The following CELF4 variants were observed in gnomAD, a reference collection of about 807,000 sequenced individuals.
CELF4 encodes the protein CUGBP Elav-like family member 4.
Under a neutral mutation model 59.9 loss-of-function variants are expected in CELF4, and 18 were observed. That is an observed-to-expected ratio of 0.30 (90% CI 0.21 to 0.45). The LOEUF (loss-of-function observed/expected upper bound fraction) is 0.45, where lower values mean the gene tolerates loss of function less well. Among genes scored for constraint, CELF4 ranks in the 20% least tolerant of loss-of-function variants. The pLI, the probability that CELF4 is intolerant of heterozygous loss-of-function variation, is 1.00. For missense variants in CELF4, 456 were observed against 689.0 expected, an observed-to-expected ratio of 0.66 and a Z score of 3.79; for synonymous variants, 261 against 267.1, an observed-to-expected ratio of 0.98 and a Z score of 0.22.
chr18:37,520,415 C>A (rs372298649), intron 1 of CELF4, among the ~76,000 whole-genome samples: 1 of 152,200 alleles, frequency 6.6e-6, no homozygotes, highest in Non-Finnish European at 1.5e-5. Context: ...CCCAGAGAGG[C>A]ACTGTTTGAC....
chr18:37,519,520 T>C (rs2099954697), intron 1 of CELF4, among the ~76,000 whole-genome samples: 2 of 152,218 alleles, frequency 1.3e-5, no homozygotes, highest in Non-Finnish European at 1.5e-5. Context: ...TTGGAAGCAC[T>C]AACACAGAAG....
At chr18:37,444,271 G>A (rs2099741525) in intron 2 of CELF4, among the ~76,000 whole-genome samples, 1 of 152,046 alleles carries the variant, frequency 6.6e-6, no homozygotes, top group South Asian at 2.1e-4. Context: ...GTGGGTAGGG[G>A]TGGATCCCCC....
intron 1 of CELF4, among the ~76,000 whole-genome samples, chr18:37,523,132 G>A (rs1014745732): frequency 4.6e-5 from 7 of 152,118 alleles, no homozygotes; most frequent in Non-Finnish European, 7.4e-5. Context: ...CTGGGCACCC[G>A]GCTGGGCACA....
In CELF4 at chr18:37,431,889, G is replaced by A. The variant is rs574307468; in HGVS notation, c.369+53636C>T. Among the ~76,000 whole-genome samples, 10 of 152,338 alleles carry A rather than the reference G, an allele frequency of 6.6e-5. 1 individual carries two copies. The South Asian group carries it at 2.1e-3, about 32-fold the overall frequency. On this transcript the variant is annotated intron_variant, in intron 2 of 12. Transcript: ENST00000420428. ...AAGGAAACTGAGGTCCCAGGAGGCAGCTTGTCTATGCCCACATAATTAAGC... is the reference window on the plus strand; with the variant it reads ...AAGGAAACTGAGGTCCCAGGAGGCAACTTGTCTATGCCCACATAATTAAGC...
In CELF4 at chr18:37,419,577, T is replaced by C. The variant is rs982983173; in HGVS notation, c.369+65948A>G. On this transcript the variant is annotated intron_variant, in intron 2 of 12. Coordinates refer to ENST00000420428, the MANE Select transcript of CELF4 (RefSeq NM_020180.4). ...GGAGAGGAGCTGCCTCAGGGTGTGG[T>C]CAGGGGGAAGGGAGGGAGGCGGCCA... 5.3e-5 allele frequency among the ~76,000 whole-genome samples: 8 copies of C among 151,880 alleles called. 1 individual carries two copies. The highest frequency in any genetic ancestry group is 5.2e-4 in the Admixed American group (8 of 15,244).
In CELF4 at chr18:37,333,728, C is replaced by G. The variant is rs980388900; in HGVS notation, c.370-11847G>C. On this transcript the variant is annotated intron_variant, in intron 2 of 12. Coordinates refer to ENST00000420428, the MANE Select transcript of CELF4 (RefSeq NM_020180.4). ...TGTTGTGATGGGCCACAAACTCCATCCATCCATCCATCCATCCATCCATCC... is the reference window on the plus strand; with the variant it reads ...TGTTGTGATGGGCCACAAACTCCATGCATCCATCCATCCATCCATCCATCC... Among the ~76,000 whole-genome samples, 9 of 147,538 alleles carry G rather than the reference C, an allele frequency of 6.1e-5. No individual in the cohort carries two copies. In the East Asian group the frequency reaches 1.9e-3, roughly 31 times the overall value.
chr18:37,293,742 C>T (rs1294310909), intron 3 of CELF4, among the ~76,000 whole-genome samples: 1 of 152,106 alleles, frequency 6.6e-6, no homozygotes, highest in East Asian at 1.9e-4. Flanking sequence ...CTATGGTATC[C>T]TAAGAGGTTA....
At chr18:37,368,018 AG>A (rs1285253534) in intron 2 of CELF4, among the ~76,000 whole-genome samples, 2 of 151,824 alleles carry the variant, frequency 1.3e-5, no homozygotes, top group East Asian at 3.9e-4. Context: ...GGGAGGTGGG[AG>A]GGGAACCAGC....
chr18:37,341,058 G>A (rs1470149767), intron 2 of CELF4, among the ~76,000 whole-genome samples: 1 of 152,238 alleles, frequency 6.6e-6, no homozygotes, highest in Non-Finnish European at 1.5e-5. Context: ...TTGGTGAGCA[G>A]GGAAGGGCAC....
At chr18:37,538,464 C>T (rs766814108) in intron 1 of CELF4, among the ~76,000 whole-genome samples, 34 of 152,192 alleles carry the variant, frequency 2.2e-4, no homozygotes, top group South Asian at 4.1e-4. Context: ...TGGCTCTCGA[C>T]TCCTTCAGGG....
intron 1 of CELF4, among the ~76,000 whole-genome samples, chr18:37,547,101 TC>T (rs2099981633): frequency 6.6e-6 from 1 of 152,052 alleles, no homozygotes; most frequent in African/African-American, 2.4e-5. Context: ...GGTTTCCTGT[TC>T]CCTGGCGAAC....
intron 2 of CELF4, among the ~76,000 whole-genome samples, chr18:37,459,074 G>A (rs1049274710): frequency 1.4e-4 from 21 of 152,122 alleles, no homozygotes; most frequent in South Asian, 4.1e-4. Context: ...ATTGCTTTCC[G>A]GGCTCATCGC....
intron 2 of CELF4, among the ~76,000 whole-genome samples, chr18:37,426,161 C>A (rs1410772033): frequency 6.6e-6 from 1 of 152,216 alleles, no homozygotes. Flanking sequence ...AAGCACAGGT[C>A]CTGGCCATGG....
At chr18:37,432,130 C>T (rs1344755202) in intron 2 of CELF4, among the ~76,000 whole-genome samples, 1 of 152,246 alleles carries the variant, frequency 6.6e-6, no homozygotes, top group Non-Finnish European at 1.5e-5. Flanking sequence ...TGGATTCACT[C>T]CTGCTGGGTC....
intron 1 of CELF4, among the ~76,000 whole-genome samples, chr18:37,562,449 G>A (rs966457134): frequency 6.8e-6 from 1 of 148,132 alleles, no homozygotes; most frequent in Admixed American, 6.8e-5. Context: ...CTCTCAATTT[G>A]ATCCTGTATG....
chr18:37,404,070 C>T (rs563786620), intron 2 of CELF4, among the ~76,000 whole-genome samples: 1 of 152,322 alleles, frequency 6.6e-6, no homozygotes, highest in South Asian at 2.1e-4. Context: ...CCCGGATTCC[C>T]CTCTGGGGCC....
At chr18:37,485,380 T>C (rs1380484602) in intron 2 of CELF4, 145 bp downstream of exon 2, 2 of 208,858 alleles carry the variant, frequency 9.6e-6, no homozygotes, top group Non-Finnish European at 1.6e-5. Context: ...GCCCAGGGAT[T>C]TGGGGGGGCG....
chr18:37,308,713 G>T (rs1603436500), intron 3 of CELF4, among the ~76,000 whole-genome samples: 1 of 152,202 alleles, frequency 6.6e-6, no homozygotes, highest in African/African-American at 2.4e-5. Flanking sequence ...AGACATCTAG[G>T]CCAGTCACCC....
intron 9 of CELF4, chr18:37,266,284 A>G (rs970174497): frequency 5.1e-6 from 3 of 588,926 alleles, no homozygotes; most frequent in Non-Finnish European, 6.1e-6. Flanking sequence ...CTGCCCAGCA[A>G]GGGTGAAACT....
Sources: allele counts gnomAD v4.1 joint callset (sites outside exome capture counted in the v4.1 genomes callset), GRCh38; gene constraint gnomAD v4.1.1; transcripts MANE v1.5; gene names NCBI Gene and HGNC (gene_info 2026-07-23, HGNC 2026-07-21).